LYPD6: variants seen among roughly 807,000 people sequenced by gnomAD.
LYPD6 encodes LY6/PLAUR domain containing 6.
In LYPD6, 15 loss-of-function variants were observed where a neutral mutation model predicts 22.7. That is an observed-to-expected ratio of 0.66 (90% CI 0.44 to 1.02). The LOEUF is 1.02. LYPD6 is among the 50% of genes least tolerant of loss of function. The pLI, the probability that LYPD6 is intolerant of heterozygous loss-of-function variation, is 0.00. For missense variants in LYPD6, 189 were observed against 208.4 expected (o/e 0.91, Z 0.57); for synonymous variants, 72 against 77.5 (o/e 0.93, Z 0.37).
downstream of LYPD6, among the ~76,000 whole-genome samples, chr2:149,475,448 A>T (rs1348578400): frequency 6.6e-6 from 1 of 152,220 alleles, no homozygotes; most frequent in African/African-American, 2.4e-5. Context: ...AAAAAAATAT[A>T]AACATTTCTG....
At chr2:149,407,405 C>A (rs1177449784) in intron 1 of LYPD6, among the ~76,000 whole-genome samples, 1 of 152,180 alleles carries the variant, frequency 6.6e-6, no homozygotes, top group South Asian at 2.1e-4. Flanking sequence ...CACATAGTCG[C>A]ATATTTCTTG....
chr2:149,418,845 G>T (rs553275915), intron 1 of LYPD6, among the ~76,000 whole-genome samples: 2 of 152,324 alleles, frequency 1.3e-5, no homozygotes, highest in African/African-American at 4.8e-5. Flanking sequence ...TTCTTAGCAT[G>T]TCCAGGATAC....
chr2:149,338,399 G>A (rs949706865), intron 1 of LYPD6, among the ~76,000 whole-genome samples: 1 of 152,248 alleles, frequency 6.6e-6, no homozygotes, highest in East Asian at 1.9e-4. Context: ...ATTAACAATT[G>A]AATATTACTG....
intron 1 of LYPD6, among the ~76,000 whole-genome samples, chr2:149,374,897 G>A (rs934921138): frequency 6.6e-6 from 1 of 152,214 alleles, no homozygotes; most frequent in Non-Finnish European, 1.5e-5. Context: ...AAATGTGCTG[G>A]GATGACCAGG....
chr2:149,362,621 A>G (rs1681592416), intron 1 of LYPD6, among the ~76,000 whole-genome samples: 2 of 152,126 alleles, frequency 1.3e-5, no homozygotes, highest in South Asian at 4.1e-4. Flanking sequence ...GAGAAGTTAA[A>G]TATCAAGGAT....
At chr2:149,382,137 A>G (rs1030102179) in intron 1 of LYPD6, among the ~76,000 whole-genome samples, 1 of 152,170 alleles carries the variant, frequency 6.6e-6, no homozygotes, top group African/African-American at 2.4e-5. Flanking sequence ...AATAGGAAAA[A>G]CATAACCTTG....
At chr2:149,406,547 G>T (rs1682713515) in intron 1 of LYPD6, among the ~76,000 whole-genome samples, 2 of 152,108 alleles carry the variant, frequency 1.3e-5, no homozygotes, top group Non-Finnish European at 2.9e-5. Flanking sequence ...CAGAGACTAG[G>T]ATTGCAACCC....
At chr2:149,361,473 T>C (rs1190720978) in intron 1 of LYPD6, among the ~76,000 whole-genome samples, 1 of 152,188 alleles carries the variant, frequency 6.6e-6, no homozygotes, top group Non-Finnish European at 1.5e-5. Context: ...AGGCATACTT[T>C]GGGATGGCGT....
At chr2:149,460,307 A>T (rs1003534736) in intron 3 of LYPD6, among the ~76,000 whole-genome samples, 4 of 150,364 alleles carry the variant, frequency 2.7e-5, no homozygotes, top group African/African-American at 9.7e-5. Context: ...TAATTATATA[A>T]GCAAATTAAA....
At chr2:149,418,440 GTAA>G (rs1683010574) in intron 1 of LYPD6, among the ~76,000 whole-genome samples, 1 of 150,824 alleles carries the variant, frequency 6.6e-6, no homozygotes, top group African/African-American at 2.5e-5. Flanking sequence ...CCTGAAATGA[GTAA>G]TAATAAGAAG....
intron 4 of LYPD6, among the ~76,000 whole-genome samples, chr2:149,469,014 T>A (rs1043040117): frequency 6.6e-6 from 1 of 152,212 alleles, no homozygotes; most frequent in South Asian, 2.1e-4. Context: ...TTCAGTGTTA[T>A]TGTAATAACT....
At chr2:149,453,721 G>A (rs1430144743) in intron 3 of LYPD6, among the ~76,000 whole-genome samples, 1 of 152,202 alleles carries the variant, frequency 6.6e-6, no homozygotes, top group Non-Finnish European at 1.5e-5. Context: ...AAATTTTCAG[G>A]AACGATTTCT....
At chr2:149,395,171 A>G (rs1262689286) in intron 1 of LYPD6, among the ~76,000 whole-genome samples, 2 of 151,932 alleles carry the variant, frequency 1.3e-5, no homozygotes, top group Non-Finnish European at 2.9e-5. Context: ...TCTCTCCACC[A>G]TGGATCACAA....
downstream of LYPD6, among the ~76,000 whole-genome samples, chr2:149,478,313 A>G (rs1681473295): frequency 6.6e-6 from 1 of 152,174 alleles, no homozygotes. Context: ...AACTAAACAA[A>G]TAGGGCAGAC....
chr2:149,425,038 C>A (rs1256732052), intron 1 of LYPD6, among the ~76,000 whole-genome samples: 1 of 152,144 alleles, frequency 6.6e-6, no homozygotes, highest in Non-Finnish European at 1.5e-5. Flanking sequence ...GTGTGTCATC[C>A]CTGTCTCTCT....
intron 1 of LYPD6, among the ~76,000 whole-genome samples, chr2:149,404,992 CAT>C (rs1256301907): frequency 6.6e-6 from 1 of 152,112 alleles, no homozygotes; most frequent in Non-Finnish European, 1.5e-5. Context: ...TTGAGATAAT[CAT>C]GTGGTTTTTG....
chr2:149,330,556 A>C (rs191959638), upstream of LYPD6: 1 of 149,900 alleles, frequency 6.7e-6, no homozygotes, highest in African/African-American at 2.4e-5. Context: ...GCGCGCCCCT[A>C]GCCGCCCCCC....
At chr2:149,417,148 C>T (rs1324417099) in intron 1 of LYPD6, among the ~76,000 whole-genome samples, 1 of 152,174 alleles carries the variant, frequency 6.6e-6, no homozygotes, top group Non-Finnish European at 1.5e-5. Context: ...ATGGGCAACA[C>T]TCCATTGTTA....
intron 3 of LYPD6, among the ~76,000 whole-genome samples, chr2:149,467,538 T>A (rs1178536200): frequency 6.6e-6 from 1 of 152,172 alleles, no homozygotes; most frequent in Non-Finnish European, 1.5e-5. Context: ...ACATTAGTTC[T>A]TCAGTTAAAA....
Sources: allele counts gnomAD v4.1 joint callset (sites outside exome capture counted in the v4.1 genomes callset), GRCh38; gene constraint gnomAD v4.1.1; transcripts MANE v1.5; gene names NCBI Gene and HGNC (gene_info 2026-07-23, HGNC 2026-07-21).